Variants in CAPN8 observed in about 807,000 individuals in gnomAD.
CAPN8 encodes calpain-8.
In CAPN8, 87 loss-of-function variants were observed where a neutral mutation model predicts 80.9. The ratio of observed to expected loss-of-function variants is 1.07; its 90% CI spans 0.90 to 1.28. The LOEUF (loss-of-function observed/expected upper bound fraction) is 1.28. CAPN8 is among the 50% of genes most tolerant of loss of function. The probability of loss-of-function intolerance (pLI) is 0.00; values close to 1 mark genes in which losing one functional copy is unlikely to be tolerated. For missense variants in CAPN8, 757 were observed against 702.0 expected, an observed-to-expected ratio of 1.08 and a Z score of -0.89; for synonymous variants, 299 against 273.8, an observed-to-expected ratio of 1.09 and a Z score of -0.91.
intron 1 of CAPN8, among the ~76,000 whole-genome samples, chr1:223,655,875 A>G (rs897102833): frequency 6.6e-6 from 1 of 152,196 alleles, no homozygotes; most frequent in African/African-American, 2.4e-5. Context: ...GCCTACATTT[A>G]ATCGGTGGCA....
intron 2 of CAPN8, among the ~76,000 whole-genome samples, chr1:223,653,516 C>T (rs923684626): frequency 4.6e-5 from 7 of 151,830 alleles, no homozygotes; most frequent in African/African-American, 1.7e-4. Flanking sequence ...GTTTGTTTTG[C>T]TGATTTTCAG....
At chr1:223,653,466 C>T (rs1306311350) in intron 2 of CAPN8, among the ~76,000 whole-genome samples, 4 of 151,728 alleles carry the variant, frequency 2.6e-5, no homozygotes, top group Admixed American at 6.6e-5. Context: ...AAAAAAGTGG[C>T]GGGGGGTGGT....
chr1:223,557,390 C>T (rs956346735), intron 13 of CAPN8, among the ~76,000 whole-genome samples: 1 of 115,140 alleles, frequency 8.7e-6, no homozygotes, highest in African/African-American at 3.2e-5. Context: ...CAGTGTTGGA[C>T]GGAGGGGTAG....
chr1:223,549,872 C>G lies in CAPN8; in HGVS notation c.1700-490G>C, dbSNP rs868626968. Among the ~76,000 whole-genome samples the G allele has an allele frequency of 2.6e-5, 4 of 152,146 alleles. No individual in the cohort carries two copies. In the East Asian group the frequency reaches 7.7e-4, roughly 29 times the overall value. Reference sequence around the variant, plus strand: ...GCACATCTACTCTTCAAAATCACTCCGTGTGGTAGATGCTATCATTATACC... The same window carrying G: ...GCACATCTACTCTTCAAAATCACTCGGTGTGGTAGATGCTATCATTATACC... On this transcript the variant is annotated intron_variant, in intron 15 of 20. Transcript: ENST00000366872.
In CAPN8 at chr1:223,627,900, A is replaced by G. The variant is rs1657639974; in HGVS notation, c.560+109T>C. On this transcript the variant is annotated intron_variant, in intron 4 of 20. Coordinates refer to ENST00000366872, the MANE Select transcript of CAPN8 (RefSeq NM_001143962.2). Reference sequence around the variant, plus strand: ...CTCATGGGGGTCTGGATGCTGGGAAAGACGCCATGACGCCCTGAGTTTGGG... The same window carrying G: ...CTCATGGGGGTCTGGATGCTGGGAAGGACGCCATGACGCCCTGAGTTTGGG... 7.7e-6 allele frequency: 10 copies of G among 1,306,504 alleles called. No homozygotes were observed. In the South Asian group the frequency reaches 1.3e-4, roughly 17 times the overall value. The allele number at this position is 1,306,504 out of a possible 1,614,324, so 80.9% of individuals were successfully genotyped here.
intron 1 of CAPN8, among the ~76,000 whole-genome samples, chr1:223,662,018 C>T (rs1658658013): frequency 6.6e-6 from 1 of 152,190 alleles, no homozygotes; most frequent in Non-Finnish European, 1.5e-5. Flanking sequence ...TATGCCACAA[C>T]ATGGATGAAT....
At chr1:223,657,559 G>T (rs1658531444) in intron 1 of CAPN8, among the ~76,000 whole-genome samples, 1 of 152,040 alleles carries the variant, frequency 6.6e-6, no homozygotes, top group African/African-American at 2.4e-5. Context: ...TTGAGGTCAG[G>T]AGTTCAAGAC....
chr1:223,642,686 C>G, intron 2 of CAPN8: 1 of 410,718 alleles, frequency 2.4e-6, no homozygotes, highest in South Asian at 1.8e-5. Flanking sequence ...GCCTTACCTT[C>G]TAAGTTTTCA....
Position 223,544,074 on chromosome 1 carries a change from G to T in CAPN8, c.2022C>A (p.Thr674=), listed in dbSNP as rs1027261619. ...SFVACMIRLE[T]LFKLFSLLDE... ...GAGGACAGAGTGACTCACTGAAGAG[G>T]GTCTCCAGGCGGATCATACAAGCCA... The change falls in exon 19 of 21, where the codon ACC becomes ACA. Residue 674 remains threonine (T), a synonymous_variant. Coordinates refer to ENST00000366872, the MANE Select transcript of CAPN8 (RefSeq NM_001143962.2). 1.4e-6 allele frequency: 1 copy of T among 717,874 alleles called. No individual in the cohort carries two copies. The highest frequency in any genetic ancestry group is 1.7e-5 in the African/African-American group (1 of 57,242). 44.5% of individuals were successfully genotyped at this position (717,874 alleles called of 1,614,324 possible).
At chr1:223,551,104 C>A in intron 14 of CAPN8, 87 bp from the exon 15 acceptor site, 2 of 686,536 alleles carry the variant, frequency 2.9e-6, no homozygotes, top group Admixed American at 2.2e-5. Context: ...TCCTCACAGT[C>A]AGACACCAGG....
chr1:223,550,098 T>G (rs1656743120), intron 15 of CAPN8, among the ~76,000 whole-genome samples: 1 of 152,194 alleles, frequency 6.6e-6, no homozygotes, highest in East Asian at 1.9e-4. Flanking sequence ...GCTCCATCCC[T>G]GGCCTCCACC....
intron 20 of CAPN8, 134 bp downstream of exon 20, chr1:223,542,974 C>T (rs1656509270): frequency 3.4e-6 from 3 of 874,364 alleles, no homozygotes; most frequent in Middle Eastern, 2.2e-4. Flanking sequence ...CTGCTGGGTG[C>T]CTGCCACAGA....
intron 10 of CAPN8, among the ~76,000 whole-genome samples, 174 bp from the exon 11 acceptor site, chr1:223,612,431 T>A (rs1324088608): frequency 6.6e-6 from 1 of 152,076 alleles, no homozygotes; most frequent in Non-Finnish European, 1.5e-5. Context: ...ACACTACTGA[T>A]GAATTTCAAG....
chr1:223,628,625 G>A (rs764317960), intron 3 of CAPN8, 37 bp downstream of exon 3: 8 of 1,509,154 alleles, frequency 5.3e-6, no homozygotes, highest in Non-Finnish European at 7.2e-6. Flanking sequence ...TAAGAATACG[G>A]AAAACAGCAA....
intron 10 of CAPN8, 38 bp downstream of exon 10, chr1:223,615,932 C>T (rs764557780): frequency 6.4e-7 from 1 of 1,550,664 alleles, no homozygotes; most frequent in Non-Finnish European, 8.7e-7. Context: ...CCCAAAACAT[C>T]AAGTGTATAA....
chr1:223,653,207 T>A (rs547273615), intron 2 of CAPN8, among the ~76,000 whole-genome samples: 15 of 151,200 alleles, frequency 9.9e-5, no homozygotes, highest in African/African-American at 3.6e-4. Flanking sequence ...AAATGGAGGC[T>A]GTGGTTTTCA....
chr1:223,656,154 CT>C (rs11321267), intron 1 of CAPN8, among the ~76,000 whole-genome samples: 25,298 of 147,290 alleles, frequency 0.17, 2,707 homozygotes, highest in East Asian at 0.36. Flanking sequence ...TCTGGGCTGA[CT>C]TTTTTTTTTT....
intron 2 of CAPN8, among the ~76,000 whole-genome samples, chr1:223,651,946 C>T (rs537603049): frequency 1.6e-4 from 24 of 152,286 alleles, no homozygotes; most frequent in Admixed American, 1.5e-3. Flanking sequence ...GGGAATTTTT[C>T]GCATGGCTGC....
At chr1:223,656,175 TA>T (rs1256436112) in intron 1 of CAPN8, among the ~76,000 whole-genome samples, 15 of 151,700 alleles carry the variant, frequency 9.9e-5, no homozygotes, top group Admixed American at 2.0e-4. Context: ...TCCCAAGTAT[TA>T]AAAAAAATTT....
Sources: allele counts gnomAD v4.1 joint callset (sites outside exome capture counted in the v4.1 genomes callset), GRCh38; gene constraint gnomAD v4.1.1; transcripts MANE v1.5; gene names NCBI Gene and HGNC (gene_info 2026-07-23, HGNC 2026-07-21).